The following DLGAP4 variants were observed in gnomAD, a reference collection of about 807,000 sequenced individuals.
The protein encoded by DLGAP4 is disks large-associated protein 4.
In DLGAP4, 18 loss-of-function variants were observed where a neutral mutation model predicts 86.9. That is an observed-to-expected ratio of 0.21 (90% CI 0.14 to 0.31). The LOEUF (loss-of-function observed/expected upper bound fraction) is 0.31. Among genes scored for constraint, DLGAP4 ranks in the 10% least tolerant of loss-of-function variants. The pLI, the probability that DLGAP4 is intolerant of heterozygous loss-of-function variation, is 1.00. For missense variants in DLGAP4, 1,085 were observed against 1,362.6 expected (o/e 0.80, Z 3.21); for synonymous variants, 548 against 574.3 (o/e 0.95, Z 0.65).
chr20:36,404,720 C>T (rs953620462), intron 2 of DLGAP4, among the ~76,000 whole-genome samples: 9 of 151,944 alleles, frequency 5.9e-5, no homozygotes, highest in Non-Finnish European at 1.0e-4. Context: ...GCCTAGCCCA[C>T]GGGAGATGTT....
chr20:36,351,980 G>A (rs2030170340), intron 1 of DLGAP4, among the ~76,000 whole-genome samples: 1 of 152,164 alleles, frequency 6.6e-6, no homozygotes, highest in Non-Finnish European at 1.5e-5. Flanking sequence ...CAAAGTGCGA[G>A]GAAGCCCAGG....
At chr20:36,430,745 A>G (rs991717049) in intron 2 of DLGAP4, among the ~76,000 whole-genome samples, 1 of 151,516 alleles carries the variant, frequency 6.6e-6, no homozygotes, top group Non-Finnish European at 1.5e-5. Context: ...ACTTGAGGTC[A>G]GGAGTTCGAG....
intron 2 of DLGAP4, among the ~76,000 whole-genome samples, chr20:36,368,984 C>T (rs898212814): frequency 2.6e-5 from 4 of 152,176 alleles, no homozygotes; most frequent in South Asian, 2.1e-4. Context: ...GCTCTGAGAA[C>T]GCAGCAGAGC....
chr20:36,415,573 A>G (rs530109620), intron 2 of DLGAP4, among the ~76,000 whole-genome samples: 2 of 152,168 alleles, frequency 1.3e-5, no homozygotes, highest in Non-Finnish European at 2.9e-5. Context: ...GCTGAGAACC[A>G]TCTGTCTGTG....
chr20:36,408,306 A>G (rs1315384821), intron 2 of DLGAP4, among the ~76,000 whole-genome samples: 1 of 152,044 alleles, frequency 6.6e-6, no homozygotes, highest in African/African-American at 2.4e-5. Flanking sequence ...CCCTGTTGAC[A>G]GCTGGGCTCA....
chr20:36,312,190 C>A (rs2065059152), intron 1 of DLGAP4, among the ~76,000 whole-genome samples: 1 of 152,174 alleles, frequency 6.6e-6, no homozygotes, highest in Admixed American at 6.5e-5. Context: ...GCATGCAATT[C>A]TGGTTAAGCC....
chr20:36,436,149 C>G lies in DLGAP4; in HGVS notation c.1040C>G (p.Ser347Cys). The G allele has an allele frequency of 6.3e-7, 1 of 1,594,422 alleles. No individual in the cohort carries two copies. The highest frequency in any genetic ancestry group is 8.5e-7 in the Non-Finnish European group (1 of 1,176,646). ...GGCGAGTGGAGCACCACGCTGCTGTCCCCACGCGAGACGGATGCCGCGGCC... is the reference window on the plus strand; with the variant it reads ...GGCGAGTGGAGCACCACGCTGCTGTGCCCACGCGAGACGGATGCCGCGGCC... The part of the protein sequence containing the change: ...GGGEWSTTLL[S>C]PRETDAAAEG... The change falls in exon 4 of 13, where the codon TCC becomes TGC. Residue 347 changes from serine to cysteine, a missense_variant. Physicochemically the swap from Ser to Cys is moderately radical, Grantham distance 112. Transcript: ENST00000339266.
At chr20:36,513,550 G>A (rs178298) in intron 10 of DLGAP4, among the ~76,000 whole-genome samples, 1,109 of 105,218 alleles carry the variant, frequency 0.011, 9 homozygotes, top group African/African-American at 0.04. Context: ...GCGAGACTCC[G>A]TCTCAAAAAA....
rs1372234518 is a variant in DLGAP4, at chr20:36,308,416, C to T, written c.-304+1904C>T. Among the ~76,000 whole-genome samples, 1 of 152,140 alleles carries T rather than the reference C, an allele frequency of 6.6e-6. No homozygotes were observed. Among genetic ancestry groups the T allele is most frequent in the Non-Finnish European group, 1.5e-5 (1 of 67,996 alleles). On this transcript the variant is annotated intron_variant, in intron 1 of 12. Coordinates refer to ENST00000339266, the MANE Select transcript of DLGAP4 (RefSeq NM_001365621.2). This position sits in a 1 kb window ranked among gnomAD's most constrained non-coding sequence, Gnocchi z 4.5. ...AAGAGAAACTGTGAGCTGGACGGGA[C>T]CTGATGGCTGGGTTATGTGGAACCC...
intron 1 of DLGAP4, among the ~76,000 whole-genome samples, chr20:36,359,451 G>A (rs1198695643): frequency 3.3e-5 from 5 of 152,172 alleles, no homozygotes; most frequent in East Asian, 3.9e-4. Flanking sequence ...GAAAATCCGT[G>A]CCCATGTGTT....
chr20:36,482,260 C>A (rs2035220888), intron 7 of DLGAP4, among the ~76,000 whole-genome samples: 1 of 152,158 alleles, frequency 6.6e-6, no homozygotes, highest in Non-Finnish European at 1.5e-5. Context: ...GTGAAAGAGG[C>A]CAGCAATCGA....
intron 2 of DLGAP4, among the ~76,000 whole-genome samples, chr20:36,415,986 G>C (rs1283846107): frequency 6.6e-6 from 1 of 152,216 alleles, no homozygotes; most frequent in Non-Finnish European, 1.5e-5. Flanking sequence ...TGGGAGTCCA[G>C]GGAAGAAGCT....
rs1329765375 is a variant in DLGAP4, at chr20:36,511,856, CAG to C, written c.2512+11248_2512+11249del. Among the ~76,000 whole-genome samples the C allele has an allele frequency of 4.4e-5, 6 of 136,666 alleles. No individual in the cohort carries two copies. In the East Asian group the frequency reaches 1.3e-3, roughly 30 times the overall value. The allele number at this position is 136,666 out of a possible 152,430, so 89.7% of individuals were successfully genotyped here. A position where few individuals can be genotyped will look rare whatever the true frequency, so the allele number is the denominator to read the frequency against. On this transcript the variant is annotated intron_variant, in intron 10 of 12. Transcript: ENST00000339266. ...TGCCACCGCGCTCCAGCCTGGGCGA[CAG>C]AGGGAGACCCTGTCTCAAAAAAAAA...
chr20:36,398,840 T>C (rs1236430013), intron 2 of DLGAP4, among the ~76,000 whole-genome samples: 1 of 152,152 alleles, frequency 6.6e-6, no homozygotes, highest in Non-Finnish European at 1.5e-5. Flanking sequence ...CTGGGTATGA[T>C]GGGAGTTGCT....
intron 7 of DLGAP4, chr20:36,492,797 G>C (rs2035723603): frequency 6.6e-6 from 1 of 152,146 alleles, no homozygotes; most frequent in African/African-American, 2.4e-5. Flanking sequence ...ATTGAGGTTG[G>C]CTTCCGTTTT....
Position 36,499,570 on chromosome 20 carries a change from TCGTTGTCCTTCAATAAGGTTGA to T in DLGAP4, c.2011-16_2016del. On this transcript the variant is annotated splice_acceptor_variant and splice_polypyrimidine_tract_variant and coding_sequence_variant and intron_variant, in exon 9 of 13. Coordinates refer to ENST00000339266, the MANE Select transcript of DLGAP4 (RefSeq NM_001365621.2). LOFTEE classifies it high-confidence loss of function. ...TGTCTTTGTCTCCGTGCCGTTGCTG[TCGTTGTCCTTCAATAAGGTTGA>T]CTGCATTCAGCCAGTGCCAAAAGAG... 1 of 1,612,734 alleles carries T rather than the reference TCGTTGTCCTTCAATAAGGTTGA, an allele frequency of 6.2e-7. No homozygotes were observed. Among genetic ancestry groups the T allele is most frequent in the Non-Finnish European group, 8.5e-7 (1 of 1,179,106 alleles).
At chr20:36,389,146 T>C (rs555159312) in intron 2 of DLGAP4, among the ~76,000 whole-genome samples, 2 of 152,272 alleles carry the variant, frequency 1.3e-5, no homozygotes, top group South Asian at 4.1e-4. Context: ...CAAGTGGAGA[T>C]GTTGAGTTGA....
chr20:36,359,612 G>A (rs564496369), intron 1 of DLGAP4, among the ~76,000 whole-genome samples: 6 of 152,112 alleles, frequency 3.9e-5, no homozygotes, highest in Admixed American at 6.5e-5. Context: ...TCTGAGGCTC[G>A]GTGTCCTCAT....
intron 1 of DLGAP4, among the ~76,000 whole-genome samples, chr20:36,363,710 T>G (rs376766377): frequency 6.6e-6 from 1 of 152,208 alleles, no homozygotes; most frequent in Non-Finnish European, 1.5e-5. Context: ...ACTTGAGCAG[T>G]TCCATGATTT....
Sources: allele counts gnomAD v4.1 joint callset (sites outside exome capture counted in the v4.1 genomes callset), GRCh38; gene constraint gnomAD v4.1.1; non-coding constraint Gnocchi (gnomAD v3.1); transcripts MANE v1.5; gene names NCBI Gene and HGNC (gene_info 2026-07-23, HGNC 2026-07-21).